NAV3: variants seen among roughly 807,000 people sequenced by gnomAD.
The protein encoded by NAV3 is pore membrane and/or filament interacting like protein 1.
NAV3 carries 87 observed loss-of-function variants against 244.7 expected under a neutral mutation model. That is an observed-to-expected ratio of 0.36 (90% CI 0.30 to 0.42). The LOEUF (loss-of-function observed/expected upper bound fraction) is 0.42, where lower values mean the gene tolerates loss of function less well. Among genes scored for constraint, NAV3 ranks in the 20% least tolerant of loss-of-function variants. The pLI is 1.00. For synonymous variants in NAV3, 1,126 were observed against 1,042.2 expected, an observed-to-expected ratio of 1.08 and a Z score of -1.55; for missense variants, 2,663 against 2,893.3, an observed-to-expected ratio of 0.92 and a Z score of 1.83.
At chr12:77,890,096 T>C (rs1231368712) in intron 1 of NAV3, among the ~76,000 whole-genome samples, 1 of 152,158 alleles carries the variant, frequency 6.6e-6, no homozygotes, top group African/African-American at 2.4e-5. Flanking sequence ...CTCATAAAGC[T>C]TTATTTTATA....
At chr12:77,727,882 C>T (rs189488447) in intron 2 of NAV3, among the ~76,000 whole-genome samples, 70 of 152,042 alleles carry the variant, frequency 4.6e-4, no homozygotes, top group Admixed American at 4.6e-4. Context: ...TAATTACTCT[C>T]ATTTAGGGGT....
chr12:77,710,977 T>G (rs1426195782), intron 2 of NAV3, among the ~76,000 whole-genome samples: 1 of 152,216 alleles, frequency 6.6e-6, no homozygotes, highest in Non-Finnish European at 1.5e-5. Flanking sequence ...TGATATTTCT[T>G]GATCTCATCC....
chr12:77,605,221 T>C (rs2136789329), intron 2 of NAV3, among the ~76,000 whole-genome samples: 1 of 152,184 alleles, frequency 6.6e-6, no homozygotes, highest in Admixed American at 6.5e-5. Flanking sequence ...TCAATAAAGC[T>C]TCTATACTCT....
chr12:78,151,504 T>C (rs1209117755), intron 22 of NAV3, among the ~76,000 whole-genome samples: 1 of 151,970 alleles, frequency 6.6e-6, no homozygotes. Flanking sequence ...CCCAGGGGTA[T>C]TATGCTGAGT....
At chr12:77,975,850 G>A (rs1868332962) in intron 5 of NAV3, among the ~76,000 whole-genome samples, 2 of 152,208 alleles carry the variant, frequency 1.3e-5, no homozygotes, top group Admixed American at 6.5e-5. Flanking sequence ...AAATGAAGTG[G>A]TCATATTGGC....
intron 6 of NAV3, among the ~76,000 whole-genome samples, chr12:77,998,121 C>T (rs1457374811): frequency 1.3e-5 from 2 of 152,042 alleles, no homozygotes; most frequent in African/African-American, 4.8e-5. Flanking sequence ...TATATTATTA[C>T]AATTTTGGAG....
intron 5 of NAV3, among the ~76,000 whole-genome samples, chr12:77,976,442 G>A: frequency 6.6e-6 from 1 of 152,002 alleles, no homozygotes; most frequent in East Asian, 1.9e-4. Context: ...AGACCTGATA[G>A]AGGAGACCAA....
chr12:78,038,069 A>G (rs1880218226), intron 9 of NAV3, among the ~76,000 whole-genome samples: 1 of 152,190 alleles, frequency 6.6e-6, no homozygotes, highest in African/African-American at 2.4e-5. Flanking sequence ...CTTTTTGATA[A>G]CATGAGTTTC....
intron 12 of NAV3, among the ~76,000 whole-genome samples, chr12:78,086,666 CT>C (rs974287237): frequency 2.8e-4 from 42 of 152,132 alleles, no homozygotes; most frequent in Middle Eastern, 6.8e-3. Context: ...GCTGAGGGAT[CT>C]TTTCACTTTG....
Position 77,734,459 on chromosome 12 carries a change from A to G in NAV3, c.72+162193A>G, listed in dbSNP as rs545057066. 3.3e-5 allele frequency among the ~76,000 whole-genome samples: 5 copies of G among 152,206 alleles called. No individual in the cohort carries two copies. In the East Asian group the frequency reaches 9.6e-4, roughly 29 times the overall value. On this transcript the variant is annotated intron_variant, in intron 2 of 8. Transcript: ENST00000550042. ...AGATAGCTCAAACTATACATGATTA[A>G]TACCCGGTCTAGAATGAAACTAAAT...
At chr12:77,694,362 A>T (rs551354655) in intron 2 of NAV3, among the ~76,000 whole-genome samples, 3 of 151,802 alleles carry the variant, frequency 2.0e-5, no homozygotes, top group Non-Finnish European at 4.4e-5. Flanking sequence ...AGTCCCAGCT[A>T]CTCAGGAGGC....
intron 12 of NAV3, among the ~76,000 whole-genome samples, chr12:78,097,633 T>G: frequency 6.6e-6 from 1 of 152,198 alleles, no homozygotes; most frequent in East Asian, 1.9e-4. Flanking sequence ...AAAATCAATT[T>G]CTTCATGGTT....
chr12:78,152,852 A>C (rs1429497000), intron 22 of NAV3, among the ~76,000 whole-genome samples: 1 of 152,098 alleles, frequency 6.6e-6, no homozygotes. Context: ...AGTACAAGTA[A>C]ACTTTCTACC....
At chr12:77,652,950 A>G (rs1275806720) in intron 2 of NAV3, among the ~76,000 whole-genome samples, 7 of 152,228 alleles carry the variant, frequency 4.6e-5, no homozygotes, top group African/African-American at 1.7e-4. Context: ...GAATTTACAA[A>G]GCTTTTAGTA....
At chr12:78,093,642 GAA>G (rs201911788) in intron 12 of NAV3, among the ~76,000 whole-genome samples, 4 of 148,474 alleles carry the variant, frequency 2.7e-5, no homozygotes, top group Non-Finnish European at 4.5e-5. Flanking sequence ...CACTCTGGGG[GAA>G]AAAAAAAGTA....
rs1406346848 is a variant in NAV3 at position 78,210,895 on chromosome 12, G to C, written c.*378G>C. 4.6e-6 allele frequency: 1 copy of C among 215,688 alleles called. No individual in the cohort carries two copies. Among genetic ancestry groups the C allele is most frequent in the Non-Finnish European group, 9.3e-6 (1 of 108,020 alleles). The allele number at this position is 215,688 out of a possible 1,614,324, so 13.4% of individuals were successfully genotyped here. On this transcript the variant is annotated 3_prime_UTR_variant, in exon 40 of 40. Coordinates refer to ENST00000397909, the MANE Select transcript of NAV3 (RefSeq NM_001024383.2). ...TTTGTCCCTTCCTTTTGTTTCCTCT[G>C]AGGGGCTGTTCGCCCCAGGCAGGGT...
intron 2 of NAV3, among the ~76,000 whole-genome samples, chr12:77,819,385 C>T (rs1246218911): frequency 6.6e-6 from 1 of 151,342 alleles, no homozygotes; most frequent in Non-Finnish European, 1.5e-5. Context: ...CCTCAGGGTA[C>T]AAACTTCTTT....
chr12:77,688,488 G>A (rs79736632), intron 2 of NAV3, among the ~76,000 whole-genome samples: 8,177 of 151,954 alleles, frequency 0.054, 515 homozygotes, highest in African/African-American at 0.16. Context: ...CCTAGTCTAG[G>A]GACAAAATAA....
intron 8 of NAV3, among the ~76,000 whole-genome samples, chr12:78,020,499 C>A (rs1344183915): frequency 6.6e-6 from 1 of 152,118 alleles, no homozygotes; most frequent in Non-Finnish European, 1.5e-5. Flanking sequence ...GTCCAAGGCA[C>A]AACTTTGTAT....
Sources: allele counts gnomAD v4.1 joint callset (sites outside exome capture counted in the v4.1 genomes callset), GRCh38; gene constraint gnomAD v4.1.1; transcripts MANE v1.5; gene names NCBI Gene and HGNC (gene_info 2026-07-23, HGNC 2026-07-21).